Variants in MACF1 observed in about 807,000 individuals in gnomAD.
MACF1 encodes the protein microtubule actin crosslinking factor 1.
In MACF1, 193 loss-of-function variants were observed where a neutral mutation model predicts 854.8. The ratio of observed to expected loss-of-function variants is 0.23; its 90% CI spans 0.20 to 0.25. The LOEUF (loss-of-function observed/expected upper bound fraction) is 0.25. MACF1 is among the 10% of genes least tolerant of loss of function. The probability of loss-of-function intolerance (pLI) is 1.00; values close to 1 mark genes in which losing one functional copy is unlikely to be tolerated. For synonymous variants in MACF1, 3,185 were observed against 3,226.7 expected, an observed-to-expected ratio of 0.99 and a Z score of 0.44; for missense variants, 7,722 against 8,929.1, an observed-to-expected ratio of 0.86 and a Z score of 5.45.
chr1:39,086,484 G>A (rs367642320), intron 2 of MACF1, among the ~76,000 whole-genome samples: 2 of 152,320 alleles, frequency 1.3e-5, no homozygotes, highest in Non-Finnish European at 2.9e-5. Flanking sequence ...GGTGCAGGAA[G>A]GGGTTTACTT....
intron 56 of MACF1, among the ~76,000 whole-genome samples, chr1:39,383,622 A>G (rs1484110994): frequency 6.6e-6 from 1 of 152,218 alleles, no homozygotes. Flanking sequence ...TCATGCCTGT[A>G]ATCCCAGCAC....
At chr1:39,107,533 TC>T (rs1642277457) in intron 2 of MACF1, among the ~76,000 whole-genome samples, 1 of 151,932 alleles carries the variant, frequency 6.6e-6, no homozygotes, top group South Asian at 2.1e-4. Flanking sequence ...CAATCTCTCT[TC>T]CCCCCACTGC....
intron 15 of MACF1, among the ~76,000 whole-genome samples, chr1:39,289,601 G>A (rs1015220598): frequency 6.8e-6 from 1 of 147,406 alleles, no homozygotes; most frequent in South Asian, 2.2e-4. Context: ...TTTTTTTCCA[G>A]TAGAGTTGTT....
intron 6 of MACF1, among the ~76,000 whole-genome samples, chr1:39,262,669 T>C (rs1415450198): frequency 1.3e-5 from 2 of 152,140 alleles, no homozygotes; most frequent in Admixed American, 1.3e-4. Context: ...CCACTGTTCT[T>C]TTTCCTGTTA....
At position 39,451,060 on chromosome 1, in the gene MACF1, A is replaced by G. The variant is rs1455764911; in HGVS notation, c.20267A>G (p.Lys6756Arg). The change falls in exon 85 of 101, where the codon AAG becomes AGG. Residue 6756 changes from lysine (K) to arginine (R), a missense_variant. This residue lies in a region of MACF1 where 729 missense variants were observed against 900.5 expected (regional missense o/e 0.81). Coordinates refer to ENST00000564288, the MANE Select transcript of MACF1 (RefSeq NM_001394062.1). The stretch of plus-strand genomic sequence containing the variant: ...TTGTGTGCATTTCTCAGGCAGCACA[A>G]GTTGGAGGAAGCCCTGCTCTTTTCG... ...VCGKSVERQH[K>R]LEEALLFSGQ... The G allele has an allele frequency of 1.2e-6, 2 of 1,613,040 alleles. No individual in the cohort carries two copies. The highest frequency in any genetic ancestry group is 2.7e-5 in the African/African-American group (2 of 74,886).
intron 95 of MACF1, among the ~76,000 whole-genome samples, chr1:39,466,370 A>G (rs940161710): frequency 1.3e-5 from 2 of 152,010 alleles, no homozygotes; most frequent in African/African-American, 2.4e-5. Context: ...GCTTGGTCAA[A>G]CCTCCTTTCC....
intron 2 of MACF1, among the ~76,000 whole-genome samples, chr1:39,094,443 C>T (rs1333649474): frequency 5.3e-5 from 8 of 150,846 alleles, no homozygotes; most frequent in African/African-American, 1.2e-4. Context: ...GAAATCGGGC[C>T]GCGCATGGTG....
chr1:39,189,589 A>C (rs1644219600), intron 2 of MACF1, among the ~76,000 whole-genome samples: 1 of 152,122 alleles, frequency 6.6e-6, no homozygotes, highest in Admixed American at 6.5e-5. Flanking sequence ...TCTCTTCCTC[A>C]TGCTATCTCT....
Position 39,451,113 on chromosome 1 carries a change from T to A in MACF1, c.20320T>A (p.Leu6774Met), listed in dbSNP as rs147337818. The change falls in exon 85 of 101, where the codon TTG becomes ATG. Residue 6774 changes from leucine (L) to methionine (M), a missense_variant. Leu to Met is a conservative substitution (Grantham distance 15). This residue lies in a region of MACF1 where 729 missense variants were observed against 900.5 expected (regional missense o/e 0.81). Transcript: ENST00000564288. ...SGQFMDALQALVDWLYKVEPQ... is the reference protein window; with the variant it reads ...SGQFMDALQAMVDWLYKVEPQ... ...TCAGTTCATGGATGCTTTGCAGGCA[T>A]TGGTTGACTGGTTATACAAGGTGGA... 1 of 1,614,006 alleles carries A rather than the reference T, an allele frequency of 6.2e-7. No individual in the cohort carries two copies. The highest frequency in any genetic ancestry group is 8.5e-7 in the Non-Finnish European group (1 of 1,180,020).
At chr1:39,156,121 T>A (rs4660495) in intron 2 of MACF1, among the ~76,000 whole-genome samples, 1 of 152,136 alleles carries the variant, frequency 6.6e-6, no homozygotes, top group South Asian at 2.1e-4. Context: ...GTGATCCGCC[T>A]GCCTCGGCCT....
rs1433785344 is a variant in MACF1 at position 39,486,949 on chromosome 1, GAC to G, written c.*1160_*1161del. On this transcript the variant is annotated 3_prime_UTR_variant, in exon 101 of 101. Transcript: ENST00000564288. ...CTACCAATGAACTGTTTAGAAACAA[GAC>G]ACACTTTTGTATTAAAATTGCTTGC... 6.6e-6 allele frequency: 1 copy of G among 152,564 alleles called. No homozygotes were observed. The highest frequency in any genetic ancestry group is 1.5e-5 in the Non-Finnish European group (1 of 68,032). 9.5% of individuals were successfully genotyped at this position (152,564 alleles called of 1,614,324 possible).
rs989009099 is a variant in MACF1, at chr1:39,131,339, T to A, written c.220+46901T>A. Among the ~76,000 whole-genome samples, 10 of 148,578 alleles carry A rather than the reference T, an allele frequency of 6.7e-5. No individual in the cohort carries two copies. In the South Asian group the frequency reaches 2.1e-3, roughly 31 times the overall value. ...GCCATCATGCCCAGCTCAGTTTTAT[T>A]ATTTTTTTTTTTTTTGTAGAGACAG... On this transcript the variant is annotated intron_variant, in intron 2 of 93. Coordinates refer to the MACF1 transcript ENST00000361689.
intron 2 of MACF1, among the ~76,000 whole-genome samples, chr1:39,147,099 T>TCCGCCCTC (rs1643483437): frequency 6.9e-6 from 1 of 145,876 alleles, no homozygotes. Flanking sequence ...CTCCTCCCCT[T>TCCGCCCTC]CCTCCCTCCC....
intron 97 of MACF1, among the ~76,000 whole-genome samples, chr1:39,476,814 G>GGGCAT (rs1287077343): frequency 1.3e-5 from 2 of 151,044 alleles, no homozygotes; most frequent in Non-Finnish European, 2.9e-5. Context: ...TATACAAGCT[G>GGGCAT]GGCATGGTGG....
At chr1:39,262,595 T>C (rs1645177018) in intron 6 of MACF1, among the ~76,000 whole-genome samples, 1 of 152,026 alleles carries the variant, frequency 6.6e-6, no homozygotes, top group Non-Finnish European at 1.5e-5. Context: ...TGGGCAGCAG[T>C]TACTAGTAAC....
At chr1:39,280,617 G>T (rs983459086) in intron 6 of MACF1, among the ~76,000 whole-genome samples, 1 of 151,784 alleles carries the variant, frequency 6.6e-6, no homozygotes, top group Non-Finnish European at 1.5e-5. Context: ...TCACTCTGTC[G>T]CCCAGGCTAG....
intron 6 of MACF1, among the ~76,000 whole-genome samples, chr1:39,273,230 G>A (rs1275114719): frequency 2.7e-5 from 4 of 148,840 alleles, no homozygotes; most frequent in African/African-American, 5.0e-5. Flanking sequence ...TCTGCCTCCC[G>A]GGTTCCAGCT....
intron 21 of MACF1, chr1:39,298,663 G>A (rs762799503): frequency 6.3e-5 from 27 of 429,492 alleles, no homozygotes; most frequent in Non-Finnish European, 1.1e-4. Flanking sequence ...ACACTTTCAG[G>A]TATTGTAAAC....
intron 44 of MACF1, 85 bp from the exon 45 acceptor site, chr1:39,357,290 A>T (rs1158773140): frequency 1.4e-6 from 2 of 1,390,706 alleles, no homozygotes; most frequent in Non-Finnish European, 2.0e-6. Context: ...CCTCACATGG[A>T]GTATGAAGTC....
Sources: gnomAD v4.1 joint callset for allele counts (sites outside exome capture counted in the v4.1 genomes callset) on GRCh38, gnomAD v4.1.1 for gene constraint, gnomAD v4.1.1 regional missense constraint, MANE v1.5 for transcripts, NCBI Gene and HGNC (gene_info 2026-07-23, HGNC 2026-07-21) for gene names.